The following CLCN5 variants were observed in gnomAD, a reference collection of about 807,000 sequenced individuals.
CLCN5 encodes H(+)/Cl(-) exchange transporter 5.
In CLCN5, 17 loss-of-function variants were observed where a neutral mutation model predicts 54.0. The ratio of observed to expected loss-of-function variants is 0.31; its 90% CI spans 0.22 to 0.47. CLCN5 has a LOEUF of 0.47. CLCN5 is among the 20% of genes least tolerant of loss of function. CLCN5 has a pLI of 1.00. For synonymous variants in CLCN5, 222 were observed against 233.0 expected (o/e 0.95, Z 0.43); for missense variants, 448 against 646.7 (o/e 0.69, Z 3.33).
intron 1 of CLCN5, among the ~76,000 whole-genome samples, chrX:49,923,067 T>G (rs1237332574): frequency 8.9e-6 from 1 of 112,948 alleles, no homozygotes; most frequent in Non-Finnish European, 1.9e-5. Flanking sequence ...GAGCGAAGTT[T>G]CCTTGCGGAG....
intron 4 of CLCN5, among the ~76,000 whole-genome samples, chrX:50,062,396 C>G (rs1425904787): frequency 1.8e-5 from 1 of 54,736 alleles, no homozygotes; most frequent in Admixed American, 2.2e-4. Context: ...CAACAAAGAT[C>G]AAAAGAGACA....
chrX:50,041,990 G>A (rs1434339213), intron 3 of CLCN5, among the ~76,000 whole-genome samples: 2 of 112,011 alleles, frequency 1.8e-5, no homozygotes, highest in Admixed American at 9.5e-5. Flanking sequence ...AAAATATTAC[G>A]CTAAGTGAAA....
Position 50,009,365 on chromosome X carries a change from A to G in CLCN5, c.17-32951A>G, listed in dbSNP as rs78603731. Among the ~76,000 whole-genome samples the G allele has an allele frequency of 1.6e-4, 18 of 112,154 alleles. No individual in the cohort carries two copies. The East Asian group carries it at 4.8e-3, about 30-fold the overall frequency. On this transcript the variant is annotated intron_variant, in intron 3 of 14. Coordinates refer to ENST00000376091, the MANE Select transcript of CLCN5 (RefSeq NM_001127898.4). ...AGCTTATAGTTTACCAGAGAAACAG[A>G]AGAGAATGAAGTATCCCAATTTTCT...
intron 3 of CLCN5, among the ~76,000 whole-genome samples, chrX:49,927,661 A>T (rs782556584): frequency 8.9e-6 from 1 of 112,325 alleles, no homozygotes; most frequent in Non-Finnish European, 1.9e-5. Flanking sequence ...TGCTGAGTAT[A>T]TAGCCAAAAG....
chrX:50,066,968 C>T (rs1557190973), intron 4 of CLCN5, among the ~76,000 whole-genome samples: 1 of 111,748 alleles, frequency 8.9e-6, no homozygotes, highest in African/African-American at 3.3e-5. Flanking sequence ...ATTAAGTGAA[C>T]ACTCAGGTAA....
intron 3 of CLCN5, among the ~76,000 whole-genome samples, chrX:49,934,459 C>G (rs1331210180): frequency 9.0e-6 from 1 of 111,396 alleles, no homozygotes; most frequent in Admixed American, 9.6e-5. Context: ...TTCCTACCTT[C>G]TCTTAACTAC....
chrX:50,078,861 C>T (rs1029126252), intron 7 of CLCN5, among the ~76,000 whole-genome samples: 3 of 112,242 alleles, frequency 2.7e-5, no homozygotes, highest in Non-Finnish European at 3.8e-5. Context: ...CTCACTCTGT[C>T]ACCCAGGCTG....
chrX:49,995,743 C>A (rs1384402287), intron 3 of CLCN5, among the ~76,000 whole-genome samples: 2 of 111,834 alleles, frequency 1.8e-5, no homozygotes, highest in Non-Finnish European at 3.8e-5. Context: ...TAAAGTCCTT[C>A]CAAGTTGTCA....
At chrX:50,082,150 G>A (rs1012276065) in intron 9 of CLCN5, among the ~76,000 whole-genome samples, 9 of 111,548 alleles carry the variant, frequency 8.1e-5, no homozygotes, top group Non-Finnish European at 1.5e-4. Context: ...CATTAAATGA[G>A]ATAACCTTTT....
chrX:49,925,052 A>C, intron 2 of CLCN5, 119 bp from the exon 3 acceptor site: 8 of 423,707 alleles, frequency 1.9e-5, no homozygotes, highest in Non-Finnish European at 3.3e-5. Context: ...GGGAAACTTG[A>C]CACTACCCAT....
At position 49,959,132 on chromosome X, in the gene CLCN5, G is replaced by T. The variant is rs147568014; in HGVS notation, c.16+33818G>T. 7.0e-3 allele frequency among the ~76,000 whole-genome samples: 779 copies of T among 111,152 alleles called. 3 individuals carry two copies. Among genetic ancestry groups the T allele is most frequent in the African/African-American group, 0.024 (736 of 30,525 alleles). On this transcript the variant is annotated intron_variant, in intron 3 of 14. Transcript: ENST00000376091. ...CCTCTTACACATTAGTCCACTTAAG[G>T]TTCACTGTGGTCTCTTGTAGAAATT...
At chrX:49,938,468 C>T (rs7391972) in intron 3 of CLCN5, among the ~76,000 whole-genome samples, 2 of 111,014 alleles carry the variant, frequency 1.8e-5, no homozygotes, top group Non-Finnish European at 3.8e-5. Flanking sequence ...AGAACAGAGC[C>T]CTCAGAAATA....
intron 4 of CLCN5, among the ~76,000 whole-genome samples, chrX:50,055,485 G>C (rs1188572962): frequency 2.7e-5 from 3 of 111,634 alleles, no homozygotes; most frequent in African/African-American, 9.8e-5. Context: ...CTTCCTCTCA[G>C]GGCTTTCCCT....
chrX:49,974,014 GTC>G (rs1293576480), intron 3 of CLCN5, among the ~76,000 whole-genome samples: 2 of 112,246 alleles, frequency 1.8e-5, no homozygotes, highest in Non-Finnish European at 3.8e-5. Flanking sequence ...GTTCTTTTGT[GTC>G]TCACTTCTTT....
rs111763402 is a variant in CLCN5, at chrX:49,933,101, C to T, written c.16+7787C>T. Among the ~76,000 whole-genome samples the T allele has an allele frequency of 9.0e-3, 1,005 of 111,283 alleles. 10 individuals are homozygous for T. Among genetic ancestry groups the T allele is most frequent in the Non-Finnish European group, 0.014 (764 of 53,038 alleles). Reference sequence around the variant, plus strand: ...TTGACCGAAACAAAAGTAGGTAACTCTTGAAAGAAAGTCAGGTTGTTAGAG... The same window carrying T: ...TTGACCGAAACAAAAGTAGGTAACTTTTGAAAGAAAGTCAGGTTGTTAGAG... On this transcript the variant is annotated intron_variant, in intron 3 of 14. Coordinates refer to ENST00000376091, the MANE Select transcript of CLCN5 (RefSeq NM_001127898.4).
At chrX:50,069,820 A>G (rs1449310455) in intron 4 of CLCN5, 59 bp from the exon 5 acceptor site, 3 of 1,126,785 alleles carry the variant, frequency 2.7e-6, no homozygotes, top group Non-Finnish European at 3.5e-6. Context: ...ACCAAAAAGA[A>G]TGTATTAAAA....
In CLCN5 at chrX:50,050,605, C is replaced by T. The variant is rs960098588; in HGVS notation, c.163+8143C>T. Among the ~76,000 whole-genome samples, 3 of 106,111 alleles carry T rather than the reference C, an allele frequency of 2.8e-5. No individual in the cohort carries two copies. In the Admixed American group the frequency reaches 3.1e-4, roughly 11 times the overall value. The allele number at this position is 106,111 out of a possible 115,157, so 92.1% of individuals were successfully genotyped here. A position where few individuals can be genotyped will look rare whatever the true frequency, so the allele number is the denominator to read the frequency against. On this transcript the variant is annotated intron_variant, in intron 4 of 14. Coordinates refer to ENST00000376091, the MANE Select transcript of CLCN5 (RefSeq NM_001127898.4). Reference sequence around the variant, plus strand: ...TGTATTTTGGATACCAGTCCTTTATCAGATATATATTTTGTAAATGTCTTA... The same window carrying T: ...TGTATTTTGGATACCAGTCCTTTATTAGATATATATTTTGTAAATGTCTTA...
At chrX:49,998,949 C>G (rs782310266) in intron 3 of CLCN5, among the ~76,000 whole-genome samples, 13 of 111,248 alleles carry the variant, frequency 1.2e-4, no homozygotes, top group Non-Finnish European at 2.1e-4. Context: ...TAATTCCACT[C>G]TTATATACAC....
At chrX:49,944,213 A>G (rs868962533) in intron 3 of CLCN5, among the ~76,000 whole-genome samples, 16 of 111,427 alleles carry the variant, frequency 1.4e-4, no homozygotes, top group African/African-American at 5.2e-4. Context: ...TTGGTCTGTT[A>G]TTGGTGTATA....
Sources: allele counts gnomAD v4.1 joint callset (sites outside exome capture counted in the v4.1 genomes callset), GRCh38; gene constraint gnomAD v4.1.1; transcripts MANE v1.5; gene names NCBI Gene and HGNC (gene_info 2026-07-23, HGNC 2026-07-21).